EVA1A: variants seen among roughly 807,000 people sequenced by gnomAD.
EVA1A encodes protein eva-1 homolog A.
A neutral mutation model predicts 9.8 loss-of-function variants in EVA1A; 7 were observed. The ratio of observed to expected loss-of-function variants is 0.71; its 90% CI spans 0.41 to 1.34. EVA1A has a LOEUF of 1.34. Ranked by LOEUF, EVA1A falls within the 40% of genes most tolerant of loss-of-function variation. The pLI is 0.01. For missense variants in EVA1A, 206 were observed against 205.9 expected (o/e 1.00, Z 0.00); for synonymous variants, 90 against 85.6 (o/e 1.05, Z -0.28).
At chr2:75,560,589 T>C (rs1676888613) in intron 1 of EVA1A, 91 bp downstream of exon 1, 1 of 152,316 alleles carries the variant, frequency 6.6e-6, no homozygotes, top group Non-Finnish European at 1.5e-5. Context: ...CTCTGGGTGT[T>C]TCCGAAAAGA....
chr2:75,539,850 A>G (rs1372839703), intron 1 of EVA1A, among the ~76,000 whole-genome samples: 1 of 152,194 alleles, frequency 6.6e-6, no homozygotes, highest in East Asian at 1.9e-4. Flanking sequence ...GATATTAGCA[A>G]TAGTAGGCAG....
chr2:75,509,229 A>G (rs1049311103), intron 3 of EVA1A, among the ~76,000 whole-genome samples: 40 of 152,206 alleles, frequency 2.6e-4, no homozygotes, highest in African/African-American at 9.4e-4. Flanking sequence ...AAACTGAGTT[A>G]AAATGTATAA....
upstream of EVA1A, among the ~76,000 whole-genome samples, chr2:75,564,881 C>T (rs937951932): frequency 6.6e-6 from 1 of 152,170 alleles, no homozygotes; most frequent in East Asian, 1.9e-4. Context: ...TTTGATTACC[C>T]CCATTTTACT....
Position 75,550,066 on chromosome 2 carries a change from T to C in EVA1A, c.-192+10614A>G, listed in dbSNP as rs368780991. On this transcript the variant is annotated intron_variant, in intron 1 of 3. Transcript: ENST00000393913. ...TTAAGTATGAAAACAGAGATTGTCT[T>C]TGCCCCTAGATAAAAACATCTTCTG... is the stretch of plus-strand genomic sequence containing the variant. Among the ~76,000 whole-genome samples the C allele has an allele frequency of 2.0e-5, 3 of 152,186 alleles. No individual in the cohort carries two copies. In the East Asian group the frequency reaches 5.8e-4, roughly 29 times the overall value.
At chr2:75,493,666 G>C (rs986688762) in intron 3 of EVA1A, 57 bp from the exon 4 acceptor site, 1 of 1,473,664 alleles carries the variant, frequency 6.8e-7, no homozygotes, top group East Asian at 2.3e-5. Context: ...CATATGCAGA[G>C]ATCCAATATG....
At chr2:75,565,692 T>C (rs1677013515), upstream of EVA1A, among the ~76,000 whole-genome samples, 1 of 152,144 alleles carries the variant, frequency 6.6e-6, no homozygotes, top group Non-Finnish European at 1.5e-5. Flanking sequence ...TAGTAAATGA[T>C]CTCCAGGAGT....
In EVA1A at chr2:75,518,626, A is replaced by G. The variant is rs1185379701; in HGVS notation, c.-68-418T>C. 3 of 987,620 alleles carry G rather than the reference A, an allele frequency of 3.0e-6. No individual in the cohort carries two copies. The African/African-American group carries it at 5.2e-5, about 17-fold the overall frequency. 61.2% of individuals were successfully genotyped at this position (987,620 alleles called of 1,614,324 possible). On this transcript the variant is annotated intron_variant, in intron 2 of 3. Transcript: ENST00000393913. The stretch of plus-strand genomic sequence containing the variant: ...CCTGTATCTTCCTAATTCCCAGTAA[A>G]CAATTCCCCCTTACCACTTCTGGAA...
At chr2:75,549,620 G>C (rs2103964578) in intron 1 of EVA1A, among the ~76,000 whole-genome samples, 1 of 152,274 alleles carries the variant, frequency 6.6e-6, no homozygotes, top group South Asian at 2.1e-4. Flanking sequence ...CTGTCCTCCA[G>C]GGAACCTTCA....
intron 1 of EVA1A, among the ~76,000 whole-genome samples, chr2:75,543,174 C>CT (rs920802770): frequency 3.3e-5 from 5 of 151,694 alleles, no homozygotes; most frequent in African/African-American, 9.7e-5. Flanking sequence ...TCCTGTATGG[C>CT]TTTTTTTTTC....
chr2:75,498,486 G>GT (rs1186169057), intron 3 of EVA1A, among the ~76,000 whole-genome samples: 1 of 151,716 alleles, frequency 6.6e-6, no homozygotes, highest in African/African-American at 2.4e-5. Flanking sequence ...TAAAATAAAA[G>GT]TAAAAAAAAC....
chr2:75,555,337 C>CTCTCTCTCTCT (rs1553421931), intron 1 of EVA1A, among the ~76,000 whole-genome samples: 18 of 127,112 alleles, frequency 1.4e-4, no homozygotes, highest in African/African-American at 2.9e-4. Flanking sequence ...CTCTCTCTCT[C>CTCTCTCTCTCT]CCCCATCTCC....
intron 3 of EVA1A, among the ~76,000 whole-genome samples, chr2:75,503,240 G>T (rs1306987916): frequency 6.6e-6 from 1 of 152,164 alleles, no homozygotes; most frequent in African/African-American, 2.4e-5. Context: ...GGAGCTCCAA[G>T]GTGATTGTTT....
chr2:75,501,476 C>T (rs78577691), intron 3 of EVA1A, among the ~76,000 whole-genome samples: 9,827 of 152,246 alleles, frequency 0.065, 430 homozygotes, highest in Middle Eastern at 0.16. Context: ...TAATCCTTCA[C>T]ACACTTTGGT....
chr2:75,507,247 C>G (rs963686829), intron 3 of EVA1A, among the ~76,000 whole-genome samples: 1 of 152,164 alleles, frequency 6.6e-6, no homozygotes, highest in African/African-American at 2.4e-5. Flanking sequence ...AGTCAACAGG[C>G]CTGAAGTTTG....
chr2:75,505,623 C>A (rs141456915), intron 3 of EVA1A, among the ~76,000 whole-genome samples: 1,681 of 152,066 alleles, frequency 0.011, 14 homozygotes, highest in South Asian at 0.035. Flanking sequence ...CCAGCCTGGC[C>A]AATATGGTGA....
At chr2:75,554,317 A>AG (rs1676625338) in intron 1 of EVA1A, among the ~76,000 whole-genome samples, 1 of 152,102 alleles carries the variant, frequency 6.6e-6, no homozygotes, top group Non-Finnish European at 1.5e-5. Flanking sequence ...CTCACCATGG[A>AG]GGGCAAAGTG....
At chr2:75,518,256 A>G (rs1675086522) in intron 2 of EVA1A, 48 bp from the exon 3 acceptor site, 1 of 1,486,774 alleles carries the variant, frequency 6.7e-7, no homozygotes, top group Admixed American at 2.5e-5. Context: ...TGCTGTCCTG[A>G]GGCCATGTTC....
chr2:75,538,511 A>C (rs1374263693), intron 1 of EVA1A, among the ~76,000 whole-genome samples: 2 of 152,248 alleles, frequency 1.3e-5, no homozygotes, highest in East Asian at 3.8e-4. Flanking sequence ...ATGAGAGCAC[A>C]ATATGCAACT....
At chr2:75,532,429 G>A (rs1449776103) in intron 1 of EVA1A, among the ~76,000 whole-genome samples, 4 of 152,116 alleles carry the variant, frequency 2.6e-5, no homozygotes, top group Admixed American at 1.3e-4. Flanking sequence ...AAAAGCCAAC[G>A]TTTATTAAGT....
Sources: allele counts gnomAD v4.1 joint callset (sites outside exome capture counted in the v4.1 genomes callset), GRCh38; gene constraint gnomAD v4.1.1; transcripts MANE v1.5; gene names NCBI Gene and HGNC (gene_info 2026-07-23, HGNC 2026-07-21).